Variants in CHIT1 observed in about 807,000 individuals in gnomAD.
CHIT1 encodes chitotriosidase-1.
A neutral mutation model predicts 52.0 loss-of-function variants in CHIT1; 47 were observed. The ratio of observed to expected loss-of-function variants is 0.90; its 90% CI spans 0.71 to 1.15. CHIT1 has a LOEUF of 1.15. Ranked by LOEUF, CHIT1 falls within the 50% of genes most tolerant of loss-of-function variation. The pLI, the probability that CHIT1 is intolerant of heterozygous loss-of-function variation, is 0.00. For synonymous variants in CHIT1, 242 were observed against 228.2 expected (o/e 1.06, Z -0.54); for missense variants, 569 against 583.0 (o/e 0.98, Z 0.25).
chr1:203,218,557 G>A (rs544405837), intron 9 of CHIT1, among the ~76,000 whole-genome samples: 1 of 152,186 alleles, frequency 6.6e-6, no homozygotes, highest in East Asian at 1.9e-4. Flanking sequence ...CTCTGCACCC[G>A]CGTCTTTGCT....
rs566527663 is a variant in CHIT1 at position 203,225,217 on chromosome 1, T to C, written c.258-113A>G. ...GGGTGGGGACGTGTGAAAGTGCCTATGTGCAGAGACTGTATTAGGCATTCT... is the reference window on the plus strand; with the variant it reads ...GGGTGGGGACGTGTGAAAGTGCCTACGTGCAGAGACTGTATTAGGCATTCT... On this transcript the variant is annotated intron_variant, in intron 3 of 10. Coordinates refer to ENST00000367229, the MANE Select transcript of CHIT1 (RefSeq NM_003465.3). The C allele has an allele frequency of 5.3e-6, 5 of 949,668 alleles. No individual in the cohort carries two copies. The South Asian group carries it at 5.3e-5, about 10-fold the overall frequency. 58.8% of individuals were successfully genotyped at this position (949,668 alleles called of 1,614,324 possible). A position where few individuals can be genotyped will look rare whatever the true frequency, so the allele number is the denominator to read the frequency against.
In CHIT1 at chr1:203,216,610, G is replaced by T. The variant is rs1286027500; in HGVS notation, c.*279C>A. The T allele has an allele frequency of 1.9e-6, 1 of 523,904 alleles. No homozygotes were observed. Among genetic ancestry groups the T allele is most frequent in the Non-Finnish European group, 3.7e-6 (1 of 273,104 alleles). The allele number at this position is 523,904 out of a possible 1,614,324, so 32.5% of individuals were successfully genotyped here. A position where few individuals can be genotyped will look rare whatever the true frequency, so the allele number is the denominator to read the frequency against. On this transcript the variant is annotated 3_prime_UTR_variant, in exon 11 of 11. Transcript: ENST00000367229. ...ACCTTCCCACCTGGCTCTGACCTGC[G>T]GATGTTTTGGAGTCAACAGTGTGCT...
chr1:203,221,966 A>T (rs944612739), intron 7 of CHIT1, among the ~76,000 whole-genome samples: 4 of 152,206 alleles, frequency 2.6e-5, no homozygotes, highest in African/African-American at 7.2e-5. Flanking sequence ...TTTGTCATCA[A>T]ACTGATTTGC....
intron 6 of CHIT1, among the ~76,000 whole-genome samples, chr1:203,222,737 T>C (rs1395372826): frequency 1.3e-5 from 2 of 152,058 alleles, no homozygotes; most frequent in Admixed American, 6.5e-5. Flanking sequence ...AGTCCATAAT[T>C]CTAATGAGCA....
At chr1:203,225,926 GGTCACCCTCCATCT>G in intron 2 of CHIT1, 56 bp from the exon 3 acceptor site, 1 of 1,579,732 alleles carries the variant, frequency 6.3e-7, no homozygotes, top group Non-Finnish European at 8.7e-7. Context: ...TCTGGGGACT[GGTCACCCTCCATCT>G]GGGGTAGGCA....
chr1:203,223,713 A>C (rs1571848368), intron 4 of CHIT1, 53 bp from the exon 5 acceptor site: 8 of 1,579,700 alleles, frequency 5.1e-6, no homozygotes, highest in Non-Finnish European at 7.0e-6. Context: ...ACAGGAGGCC[A>C]CTCTTACTCA....
rs760541651 is a variant in CHIT1, at chr1:203,216,556, C to A, written c.*333G>T. On this transcript the variant is annotated 3_prime_UTR_variant, in exon 11 of 11. Coordinates refer to ENST00000367229, the MANE Select transcript of CHIT1 (RefSeq NM_003465.3). Reference sequence around the variant, plus strand: ...TATGGACTCATGGGGCAAGACCTGCCACAGGGCCTGGCACATCCTGCACGG... The same window carrying A: ...TATGGACTCATGGGGCAAGACCTGCAACAGGGCCTGGCACATCCTGCACGG... 14 of 475,580 alleles carry A rather than the reference C, an allele frequency of 2.9e-5. No homozygotes were observed. The highest frequency in any genetic ancestry group is 5.4e-5 in the Non-Finnish European group (13 of 241,426). 29.5% of individuals were successfully genotyped at this position (475,580 alleles called of 1,614,324 possible).
chr1:203,228,925 T>G (rs988579881), intron 1 of CHIT1, among the ~76,000 whole-genome samples: 1 of 152,202 alleles, frequency 6.6e-6, no homozygotes, highest in Non-Finnish European at 1.5e-5. Flanking sequence ...CAAGCCTGTT[T>G]TGGGGCTAGA....
chr1:203,223,311 C>A, intron 5 of CHIT1, 52 bp from the exon 6 acceptor site: 1 of 1,604,674 alleles, frequency 6.2e-7, no homozygotes, highest in Non-Finnish European at 8.5e-7. Context: ...AGGCAGGCAG[C>A]CCCTGTGAGC....
At position 203,216,450 on chromosome 1, in the gene CHIT1, A is replaced by G. The variant is rs1340173579; in HGVS notation, c.*439T>C. Reference sequence around the variant, plus strand: ...AGAAGCTCCTGTTTCCAGGCTTCTGAGCCAATAACCAAAGAACGTGTTGCA... The same window carrying G: ...AGAAGCTCCTGTTTCCAGGCTTCTGGGCCAATAACCAAAGAACGTGTTGCA... On this transcript the variant is annotated 3_prime_UTR_variant, in exon 11 of 11. Coordinates refer to ENST00000367229, the MANE Select transcript of CHIT1 (RefSeq NM_003465.3). 8.8e-6 allele frequency: 4 copies of G among 455,372 alleles called. No homozygotes were observed. The highest frequency in any genetic ancestry group is 1.8e-5 in the Non-Finnish European group (4 of 227,878). The allele number at this position is 455,372 out of a possible 1,614,324, so 28.2% of individuals were successfully genotyped here.
rs78739067 is a variant in CHIT1 at position 203,216,804 on chromosome 1, C to A, written c.*85G>T. 3 of 1,576,036 alleles carry A rather than the reference C, an allele frequency of 1.9e-6. No individual in the cohort carries two copies. The highest frequency in any genetic ancestry group is 2.2e-5 in the South Asian group (2 of 89,588). On this transcript the variant is annotated 3_prime_UTR_variant, in exon 11 of 11. Coordinates refer to ENST00000367229, the MANE Select transcript of CHIT1 (RefSeq NM_003465.3). Reference sequence around the variant, plus strand: ...AGAAAGGCCTGCAGGAGCCAGATTGCGGCCCCCAGGGAAAACCCAGGAGGC... The same window carrying A: ...AGAAAGGCCTGCAGGAGCCAGATTGAGGCCCCCAGGGAAAACCCAGGAGGC...
At position 203,223,185 on chromosome 1, in the gene CHIT1, T is replaced by C. The variant is rs1656800624; in HGVS notation, c.555A>G (p.Pro185=). ...CAGCATCCACATAGGTCTGCCCAGCTGGAACCGCTGCACTCAGAAGAAGGC... is the reference window on the plus strand; with the variant it reads ...CAGCATCCACATAGGTCTGCCCAGCCGGAACCGCTGCACTCAGAAGAAGGC... The part of the protein sequence containing the change: ...KERLLLSAAV[P]AGQTYVDAGY... Residue 185 remains proline, a synonymous_variant, in exon 6 of 11, where the codon CCA becomes CCG. Coordinates refer to ENST00000367229, the MANE Select transcript of CHIT1 (RefSeq NM_003465.3). 5 of 1,614,216 alleles carry C rather than the reference T, an allele frequency of 3.1e-6. No homozygotes were observed. Among genetic ancestry groups the C allele is most frequent in the Non-Finnish European group, 4.2e-6 (5 of 1,180,044 alleles).
chr1:203,216,929 A>G lies in CHIT1; in HGVS notation c.1361T>C (p.Leu454Pro). Residue 454 changes from leucine to proline, a missense_variant, in exon 11 of 11, where the codon CTG becomes CCG. Coordinates refer to ENST00000367229, the MANE Select transcript of CHIT1 (RefSeq NM_003465.3). Reference protein sequence around the residue: ...RLFQQSCPTGLVFSNSCKCCT... With the variant: ...RLFQQSCPTGPVFSNSCKCCT... Reference sequence around the variant, plus strand: ...GCATTTGCAGGAGTTGCTGAACACCAGGCCTGTCGGGCAGCTTTGCTGGAA... The same window carrying G: ...GCATTTGCAGGAGTTGCTGAACACCGGGCCTGTCGGGCAGCTTTGCTGGAA... The G allele has an allele frequency of 1.9e-6, 3 of 1,614,232 alleles. No individual in the cohort carries two copies. Among genetic ancestry groups the G allele is most frequent in the Non-Finnish European group, 2.5e-6 (3 of 1,180,024 alleles).
Position 203,216,398 on chromosome 1 carries a change from G to A in CHIT1, c.*491C>T, listed in dbSNP as rs1397359453. On this transcript the variant is annotated 3_prime_UTR_variant, in exon 11 of 11. Transcript: ENST00000367229. ...CTCTGCTGCCATCTAGTGGCATTTT[G>A]GGAATAACACGTGCGTGAAGGTCCG... The A allele has an allele frequency of 2.2e-6, 1 of 454,092 alleles. No individual in the cohort carries two copies. The highest frequency in any genetic ancestry group is 4.4e-6 in the Non-Finnish European group (1 of 226,872). The allele number at this position is 454,092 out of a possible 1,614,324, so 28.1% of individuals were successfully genotyped here.
At chr1:203,219,602 C>A in intron 8 of CHIT1, 62 bp downstream of exon 8, 1 of 1,583,402 alleles carries the variant, frequency 6.3e-7, no homozygotes, top group South Asian at 1.1e-5. Flanking sequence ...AGAAGGAAAC[C>A]TCTGTTCTCT....
At position 203,229,629 on chromosome 1, in the gene CHIT1, C is replaced by T. The variant is rs146105561; in HGVS notation, c.8G>A (p.Arg3Gln). 6.7e-5 allele frequency: 108 copies of T among 1,614,108 alleles called. 1 individual carries two copies. In the African/African-American group the frequency reaches 1.1e-3, roughly 16 times the overall value. MVRSVAWAGFMVL... is the reference protein window; with the variant it reads MVQSVAWAGFMVL... ...CGGCTCACCTGCCCAGGCCACAGAC[C>T]GCACCATGATGCAGCTCAGCGGCAG... is the stretch of plus-strand genomic sequence containing the variant. The change falls in exon 1 of 11, where the codon CGG becomes CAG. Residue 3 changes from arginine to glutamine, a missense_variant. Coordinates refer to ENST00000367229, the MANE Select transcript of CHIT1 (RefSeq NM_003465.3).
At chr1:203,230,029 G>A (rs1448503770), upstream of CHIT1, 2 of 308,674 alleles carry the variant, frequency 6.5e-6, no homozygotes, top group African/African-American at 4.3e-5. Context: ...CAGGCAGCTG[G>A]GTTCCAGACC....
At chr1:203,219,469 C>T (rs1656652873) in intron 8 of CHIT1, 140 bp from the exon 9 acceptor site, 3 of 877,162 alleles carry the variant, frequency 3.4e-6, no homozygotes, top group South Asian at 1.4e-5. Context: ...TTGCAGTGAC[C>T]TAGAATTCTG....
rs1656541104 is a variant in CHIT1, at chr1:203,216,694, T to A, written c.*195A>T. ...AGAGGGGCACAAACCAAAGATTTAT[T>A]TTGCAAGTGAAAGGGGCAGCCCAGG... On this transcript the variant is annotated 3_prime_UTR_variant, in exon 11 of 11. Coordinates refer to ENST00000367229, the MANE Select transcript of CHIT1 (RefSeq NM_003465.3). The A allele has an allele frequency of 1.4e-6, 1 of 723,880 alleles. No individual in the cohort carries two copies. The highest frequency in any genetic ancestry group is 1.7e-5 in the African/African-American group (1 of 57,548). 44.8% of individuals were successfully genotyped at this position (723,880 alleles called of 1,614,324 possible). A position where few individuals can be genotyped will look rare whatever the true frequency, so the allele number is the denominator to read the frequency against.
Sources: allele counts gnomAD v4.1 joint callset (sites outside exome capture counted in the v4.1 genomes callset), GRCh38; gene constraint gnomAD v4.1.1; transcripts MANE v1.5; gene names NCBI Gene and HGNC (gene_info 2026-07-23, HGNC 2026-07-21).